Variants in ZNHIT6 observed in about 807,000 individuals in gnomAD.
ZNHIT6 encodes the protein box C/D snoRNA protein 1.
ZNHIT6 carries 45 observed loss-of-function variants against 57.2 expected under a neutral mutation model. That is an observed-to-expected ratio of 0.79 (90% CI 0.62 to 1.01). The LOEUF (loss-of-function observed/expected upper bound fraction) is 1.01, where lower values mean the gene tolerates loss of function less well. ZNHIT6 is among the 50% of genes least tolerant of loss of function. ZNHIT6 has a pLI of 0.00. For missense variants in ZNHIT6, 528 were observed against 567.3 expected (o/e 0.93, Z 0.70); for synonymous variants, 188 against 190.0 (o/e 0.99, Z 0.09).
At chr1:85,693,072 G>C (rs566936815) in intron 5 of ZNHIT6, among the ~76,000 whole-genome samples, 1 of 152,092 alleles carries the variant, frequency 6.6e-6, no homozygotes, top group Non-Finnish European at 1.5e-5. Context: ...GAAAAGTTAA[G>C]GACTTTCAGT....
intron 9 of ZNHIT6, among the ~76,000 whole-genome samples, chr1:85,655,002 T>C (rs969854547): frequency 6.6e-6 from 1 of 152,164 alleles, no homozygotes; most frequent in East Asian, 1.9e-4. Context: ...ACAAGTTCCC[T>C]GGGGTTTGCT....
chr1:85,686,470 G>A (rs1278793075), intron 5 of ZNHIT6, among the ~76,000 whole-genome samples: 2 of 152,006 alleles, frequency 1.3e-5, no homozygotes, highest in Non-Finnish European at 2.9e-5. Flanking sequence ...AGTTACAAAC[G>A]GAGGCTAAAC....
At chr1:85,676,139 C>G (rs1188061468) in intron 8 of ZNHIT6, among the ~76,000 whole-genome samples, 1 of 151,886 alleles carries the variant, frequency 6.6e-6, no homozygotes, top group Non-Finnish European at 1.5e-5. Flanking sequence ...GAGTTTGAGA[C>G]CAGCCTGACC....
intron 7 of ZNHIT6, among the ~76,000 whole-genome samples, chr1:85,677,705 T>G (rs1006821884): frequency 1.3e-5 from 2 of 152,218 alleles, no homozygotes; most frequent in African/African-American, 4.8e-5. Context: ...TCTGGTTCAG[T>G]CTGGGCATGA....
chr1:85,653,910 C>T lies in ZNHIT6; in HGVS notation c.*148G>A, dbSNP rs1422330483. The T allele has an allele frequency of 1.6e-6, 1 of 628,696 alleles. No homozygotes were observed. Among genetic ancestry groups the T allele is most frequent in the Non-Finnish European group, 2.8e-6 (1 of 361,340 alleles). 38.9% of individuals were successfully genotyped at this position (628,696 alleles called of 1,614,324 possible). A position where few individuals can be genotyped will look rare whatever the true frequency, so the allele number is the denominator to read the frequency against. On this transcript the variant is annotated 3_prime_UTR_variant, in exon 10 of 10. Transcript: ENST00000370574. ...AATTAATTCAAGAGGTTATAAAATA[C>T]ATTTTTTAAAAGAGTTAAGCTTATT...
intron 4 of ZNHIT6, among the ~76,000 whole-genome samples, chr1:85,704,966 T>A (rs1357461458): frequency 3.9e-5 from 6 of 152,142 alleles, no homozygotes; most frequent in Non-Finnish European, 8.8e-5. Context: ...GAATAGCAAG[T>A]CTTGTTAGCT....
At position 85,680,791 on chromosome 1, in the gene ZNHIT6, C is replaced by G. The variant is rs370063269; in HGVS notation, c.1088+45G>C. ...TTAACAGTTTATTTTAAATACACAG[C>G]CTTCAAATTAAAACAAATCAGTGAT... On this transcript the variant is annotated intron_variant, in intron 6 of 9. Coordinates refer to ENST00000370574, the MANE Select transcript of ZNHIT6 (RefSeq NM_017953.4). The G allele has an allele frequency of 2.8e-5, 39 of 1,418,096 alleles. No individual in the cohort carries two copies. The African/African-American group carries it at 5.4e-4, about 20-fold the overall frequency. The allele number at this position is 1,418,096 out of a possible 1,614,324, so 87.8% of individuals were successfully genotyped here.
At position 85,708,247 on chromosome 1, in the gene ZNHIT6, C is replaced by G; in HGVS notation, c.38G>C (p.Gly13Ala). The G allele has an allele frequency of 6.2e-7, 1 of 1,606,338 alleles. No homozygotes were observed. Residue 13 changes from glycine (G) to alanine (A), a missense_variant, in exon 1 of 10, where the codon GGA becomes GCA. By Grantham distance (60) the Gly-to-Ala change is moderately conservative (BLOSUM62 0). Coordinates refer to ENST00000370574, the MANE Select transcript of ZNHIT6 (RefSeq NM_017953.4). ...FAAENEGKSG[G>A]GLHSVAEGVR... ...CCCCTCAGCTACGCTGTGGAGACCTCCCCCAGACTTCCCTTCATTTTCAGC... is the reference window on the plus strand; with the variant it reads ...CCCCTCAGCTACGCTGTGGAGACCTGCCCCAGACTTCCCTTCATTTTCAGC...
chr1:85,706,869 T>C (rs569329085), intron 1 of ZNHIT6, among the ~76,000 whole-genome samples: 1 of 152,322 alleles, frequency 6.6e-6, no homozygotes, highest in East Asian at 1.9e-4. Context: ...TCATGAGCTA[T>C]GTTTAGATAT....
chr1:85,652,921 G>A lies in ZNHIT6; in HGVS notation c.*1137C>T, dbSNP rs1275211505. ...TACATGAGATCAAACTGTATACAGAGCTGCCATAACGTATAAGTTAAGCCA... is the reference window on the plus strand; with the variant it reads ...TACATGAGATCAAACTGTATACAGAACTGCCATAACGTATAAGTTAAGCCA... On this transcript the variant is annotated 3_prime_UTR_variant, in exon 10 of 10. Transcript: ENST00000370574. 6.6e-6 allele frequency: 1 copy of A among 152,210 alleles called. No individual in the cohort carries two copies. Among genetic ancestry groups the A allele is most frequent in the Admixed American group, 6.5e-5 (1 of 15,300 alleles). The allele number at this position is 152,210 out of a possible 1,614,324, so 9.4% of individuals were successfully genotyped here.
intron 9 of ZNHIT6, among the ~76,000 whole-genome samples, chr1:85,654,937 C>G (rs937508829): frequency 1.3e-5 from 2 of 152,156 alleles, no homozygotes; most frequent in African/African-American, 2.4e-5. Context: ...GGGACCACAG[C>G]TTATAAAAGC....
chr1:85,682,100 G>A (rs892791910), intron 5 of ZNHIT6, among the ~76,000 whole-genome samples: 7 of 145,358 alleles, frequency 4.8e-5, no homozygotes, highest in Non-Finnish European at 1.0e-4. Context: ...TGCAAGCTCC[G>A]CCTCCCGGAT....
Position 85,653,571 on chromosome 1 carries a change from GCCTGGGCGAAAGAGCGCAAC to G in ZNHIT6, c.*467_*486del, listed in dbSNP as rs1660972384. On this transcript the variant is annotated 3_prime_UTR_variant, in exon 10 of 10. Transcript: ENST00000370574. ...GCTTGAGGCCACAAATTTGAGACCA[GCCTGGGCGAAAGAGCGCAAC>G]CCTGTCTCTACCAAAAAAAAACAAC... 6.6e-6 allele frequency: 1 copy of G among 152,082 alleles called. No homozygotes were observed. Among genetic ancestry groups the G allele is most frequent in the Non-Finnish European group, 1.5e-5 (1 of 68,148 alleles). 9.4% of individuals were successfully genotyped at this position (152,082 alleles called of 1,614,324 possible). A position where few individuals can be genotyped will look rare whatever the true frequency, so the allele number is the denominator to read the frequency against.
At chr1:85,666,093 C>G (rs1661362035) in intron 8 of ZNHIT6, among the ~76,000 whole-genome samples, 1 of 152,156 alleles carries the variant, frequency 6.6e-6, no homozygotes, top group African/African-American at 2.4e-5. Context: ...AGACACTGTT[C>G]TTGGCACTGG....
At chr1:85,658,103 T>A in intron 8 of ZNHIT6, 132 bp from the exon 9 acceptor site, 1 of 558,522 alleles carries the variant, frequency 1.8e-6, no homozygotes, top group South Asian at 3.3e-5. Flanking sequence ...TACTTCCTTA[T>A]AGCATAGTAA....
intron 8 of ZNHIT6, among the ~76,000 whole-genome samples, chr1:85,668,775 T>A (rs1230736773): frequency 1.3e-5 from 2 of 152,226 alleles, no homozygotes; most frequent in Admixed American, 1.3e-4. Context: ...TAAAATGTGA[T>A]TTTAAAAAAA....
intron 5 of ZNHIT6, among the ~76,000 whole-genome samples, chr1:85,688,310 C>A (rs567371166): frequency 5.3e-5 from 8 of 152,152 alleles, no homozygotes; most frequent in Non-Finnish European, 1.2e-4. Context: ...TGGAAAGTAG[C>A]AGAGCTGCTG....
Position 85,708,186 on chromosome 1 carries a change from T to C in ZNHIT6, c.99A>G (p.Val33=), listed in dbSNP as rs763524197. Residue 33 remains valine (V), a synonymous_variant, in exon 1 of 10, where the codon GTA becomes GTG. Coordinates refer to ENST00000370574, the MANE Select transcript of ZNHIT6 (RefSeq NM_017953.4). ...ACTCCTCCGCCCCTGCTAAGTCCCT[T>C]ACTCCCTCCCTGCCAGGCTCTGGAC... is the stretch of plus-strand genomic sequence containing the variant. ...RLSPEPGREG[V]RDLAGAEEFG... 9.3e-6 allele frequency: 15 copies of C among 1,614,020 alleles called. No individual in the cohort carries two copies. The highest frequency in any genetic ancestry group is 1.3e-5 in the Non-Finnish European group (15 of 1,180,012).
rs1201161484 is a variant in ZNHIT6 at position 85,708,181 on chromosome 1, T to C, written c.104A>G (p.Asp35Gly). Residue 35 changes from aspartate to glycine, a missense_variant, in exon 1 of 10, where the codon GAC becomes GGC. Physicochemically the swap from Asp to Gly is moderately conservative, Grantham distance 94 (BLOSUM62 -1). Transcript: ENST00000370574. ...SPEPGREGVR[D>G]LAGAEEFGGG... ...GCCGAACTCCTCCGCCCCTGCTAAG[T>C]CCCTTACTCCCTCCCTGCCAGGCTC... is the stretch of plus-strand genomic sequence containing the variant. 6.2e-7 allele frequency: 1 copy of C among 1,614,000 alleles called. No homozygotes were observed. Among genetic ancestry groups the C allele is most frequent in the East Asian group, 2.2e-5 (1 of 44,880 alleles).
Sources: gnomAD v4.1 joint callset for allele counts (sites outside exome capture counted in the v4.1 genomes callset) on GRCh38, gnomAD v4.1.1 for gene constraint, MANE v1.5 for transcripts, NCBI Gene and HGNC (gene_info 2026-07-23, HGNC 2026-07-21) for gene names.